PTPRD: variants seen among roughly 807,000 people sequenced by gnomAD.
PTPRD encodes the protein receptor-type tyrosine-protein phosphatase delta.
In PTPRD, 34 loss-of-function variants were observed where a neutral mutation model predicts 214.5. The observed-to-expected ratio is 0.16, with a 90% confidence interval of 0.12 to 0.21. PTPRD has a LOEUF of 0.21. PTPRD is among the 10% of genes least tolerant of loss of function. PTPRD has a pLI of 1.00. For synonymous variants in PTPRD, 1,128 were observed against 845.7 expected, an observed-to-expected ratio of 1.33 and a Z score of -5.79; for missense variants, 2,545 against 2,398.7, an observed-to-expected ratio of 1.06 and a Z score of -1.27.
chr9:8,369,882 G>C lies in PTPRD; in HGVS notation c.4661+6054C>G, dbSNP rs1166468746. ...ACTGAAATTACAGCTTTTTCCCAAT[G>C]TATTCATTCCTAACAAATGCAAATA... On this transcript the variant is annotated intron_variant, in intron 39 of 45. Transcript: ENST00000381196. Among the ~76,000 whole-genome samples the C allele has an allele frequency of 2.0e-5, 3 of 151,802 alleles. No homozygotes were observed. In the East Asian group the frequency reaches 5.8e-4, roughly 29 times the overall value.
intron 4 of PTPRD, among the ~76,000 whole-genome samples, chr9:10,007,224 CA>C (rs2154100634): frequency 6.6e-6 from 1 of 152,022 alleles, no homozygotes; most frequent in African/African-American, 2.4e-5. Flanking sequence ...CACTGTCAAG[CA>C]CATCATTTTG....
chr9:9,739,835 G>A (rs934147503), intron 6 of PTPRD, among the ~76,000 whole-genome samples: 2 of 151,206 alleles, frequency 1.3e-5, no homozygotes, highest in African/African-American at 2.4e-5. Flanking sequence ...ATATATATAT[G>A]TGTGTAAATT....
At chr9:8,802,147 C>T (rs889416848) in intron 11 of PTPRD, among the ~76,000 whole-genome samples, 1 of 152,060 alleles carries the variant, frequency 6.6e-6, no homozygotes, top group African/African-American at 2.4e-5. Flanking sequence ...GTCCTTCCAT[C>T]CCCCCATAGT....
At chr9:9,778,942 A>T (rs1206935862) in intron 5 of PTPRD, among the ~76,000 whole-genome samples, 1 of 151,964 alleles carries the variant, frequency 6.6e-6, no homozygotes, top group Admixed American at 6.6e-5. Flanking sequence ...GCATCACACT[A>T]CCCAACTTCA....
chr9:8,789,060 G>T (rs2096115905), intron 11 of PTPRD, among the ~76,000 whole-genome samples: 2 of 152,092 alleles, frequency 1.3e-5, no homozygotes, highest in Admixed American at 6.5e-5. Context: ...TACTGTGAGA[G>T]GCCAGTAAGA....
intron 3 of PTPRD, among the ~76,000 whole-genome samples, chr9:10,329,703 A>G (rs1235924655): frequency 3.9e-5 from 6 of 151,924 alleles, no homozygotes; most frequent in Non-Finnish European, 8.8e-5. Context: ...AATGACACCT[A>G]TAATCTTACA....
chr9:8,372,156 G>C (rs975594479), intron 39 of PTPRD, among the ~76,000 whole-genome samples: 1 of 151,920 alleles, frequency 6.6e-6, no homozygotes, highest in African/African-American at 2.4e-5. Context: ...TGCCATAGTA[G>C]AAAATATGTA....
chr9:8,560,440 T>TACACACACAC (rs71317370), intron 14 of PTPRD, among the ~76,000 whole-genome samples: 16 of 143,430 alleles, frequency 1.1e-4, no homozygotes, highest in African/African-American at 4.1e-4. Flanking sequence ...AAAAAATACA[T>TACACACACAC]ACACACACAC....
chr9:8,503,146 G>C (rs2097451772), intron 23 of PTPRD, among the ~76,000 whole-genome samples: 1 of 151,616 alleles, frequency 6.6e-6, no homozygotes. Context: ...CTTTAAAGAG[G>C]GAAAAACATA....
In PTPRD at chr9:8,500,944, G is replaced by A. The variant is rs775457219; in HGVS notation, c.1938C>T (p.Ser646=). The A allele has an allele frequency of 6.8e-6, 11 of 1,614,008 alleles. No individual in the cohort carries two copies. Among genetic ancestry groups the A allele is most frequent in the South Asian group, 1.1e-5 (1 of 91,086 alleles). The change falls in exon 24 of 46, where the codon TCC becomes TCT. Residue 646 remains serine (S), a synonymous_variant. Coordinates refer to ENST00000381196, the MANE Select transcript of PTPRD (RefSeq NM_002839.4). ...EKQNGIITEY[S]IKYTAVDGED... is the part of the protein sequence containing the mutation. ...CCCCATCCACTGCAGTGTACTTGAT[G>A]GAGTATTCAGTGATAATGCCATTCT...
At chr9:8,459,607 TA>T (rs939019706) in intron 33 of PTPRD, among the ~76,000 whole-genome samples, 4 of 151,890 alleles carry the variant, frequency 2.6e-5, no homozygotes, top group African/African-American at 9.7e-5. Context: ...GCCAGTGCCC[TA>T]GGGGAAAAAA....
chr9:8,579,925 A>G (rs1219569966), intron 14 of PTPRD, among the ~76,000 whole-genome samples: 1 of 152,226 alleles, frequency 6.6e-6, no homozygotes, highest in Admixed American at 6.5e-5. Context: ...TGCCACAGGC[A>G]AAAGTGAATC....
rs554126340 is a variant in PTPRD, at chr9:10,449,834, G to T, written c.-599-108817C>A. On this transcript the variant is annotated intron_variant, in intron 2 of 45. Coordinates refer to ENST00000381196, the MANE Select transcript of PTPRD (RefSeq NM_002839.4). ...ATGTGGGGAAAAGAAAGAGAGATCA[G>T]ATTGTTACTGTGTCTGTATAGAAAG... Among the ~76,000 whole-genome samples the T allele has an allele frequency of 1.1e-3, 160 of 151,916 alleles. 2 individuals are homozygous for T. Among genetic ancestry groups the T allele is most frequent in the Middle Eastern group, 3.4e-3 (1 of 294 alleles).
At chr9:10,138,216 A>G (rs911949747) in intron 3 of PTPRD, among the ~76,000 whole-genome samples, 7 of 152,130 alleles carry the variant, frequency 4.6e-5, no homozygotes, top group Non-Finnish European at 7.4e-5. Context: ...ATTACAACCT[A>G]TTCCACAGAA....
At chr9:9,372,729 A>G (rs1467200359) in intron 9 of PTPRD, among the ~76,000 whole-genome samples, 1 of 152,130 alleles carries the variant, frequency 6.6e-6, no homozygotes, top group Non-Finnish European at 1.5e-5. Context: ...ACAATTTGGC[A>G]TGTTTTCGCA....
At chr9:9,352,700 CTA>C (rs770021696) in intron 9 of PTPRD, among the ~76,000 whole-genome samples, 1 of 151,892 alleles carries the variant, frequency 6.6e-6, no homozygotes, top group Non-Finnish European at 1.5e-5. Context: ...TTAATGATAA[CTA>C]TGAATTATGT....
At chr9:8,697,098 G>T (rs1471498967) in intron 12 of PTPRD, among the ~76,000 whole-genome samples, 3 of 152,122 alleles carry the variant, frequency 2.0e-5, no homozygotes, top group Non-Finnish European at 4.4e-5. Context: ...TCTAGTATTT[G>T]GCTTTTGGAC....
intron 2 of PTPRD, among the ~76,000 whole-genome samples, chr9:10,421,818 C>A (rs2154516198): frequency 6.6e-6 from 1 of 151,648 alleles, no homozygotes; most frequent in South Asian, 2.1e-4. Flanking sequence ...TAATATATTT[C>A]TATTTTTATA....
chr9:9,167,947 C>T (rs754210348), intron 10 of PTPRD, among the ~76,000 whole-genome samples: 17 of 152,120 alleles, frequency 1.1e-4, no homozygotes, highest in Non-Finnish European at 1.9e-4. Context: ...CACATGCCAA[C>T]GAAAACCTAT....
Sources: gnomAD v4.1 joint callset for allele counts (sites outside exome capture counted in the v4.1 genomes callset) on GRCh38, gnomAD v4.1.1 for gene constraint, MANE v1.5 for transcripts, NCBI Gene and HGNC (gene_info 2026-07-23, HGNC 2026-07-21) for gene names.